The following PPP2R2C variants were observed in gnomAD, a reference collection of about 807,000 sequenced individuals.
PPP2R2C encodes protein phosphatase 2, regulatory subunit B, gamma.
PPP2R2C carries 10 observed loss-of-function variants against 45.3 expected under a neutral mutation model. That is an observed-to-expected ratio of 0.22 (90% confidence interval 0.14 to 0.37). The LOEUF (loss-of-function observed/expected upper bound fraction) is 0.37, where lower values mean the gene tolerates loss of function less well. Ranked by LOEUF, PPP2R2C falls within the 10% of genes least tolerant of loss-of-function variation. The pLI is 1.00. For synonymous variants in PPP2R2C, 257 were observed against 245.4 expected, an observed-to-expected ratio of 1.05 and a Z score of -0.44; for missense variants, 308 against 619.7, an observed-to-expected ratio of 0.50 and a Z score of 5.34.
intron 1 of PPP2R2C, chr4:6,382,009 GA>G (rs1715835134): frequency 7.1e-7 from 1 of 1,414,702 alleles, no homozygotes; most frequent in African/African-American, 1.5e-5. Flanking sequence ...GCCTGGAAGA[GA>G]AACCCCCACT....
intron 1 of PPP2R2C, among the ~76,000 whole-genome samples, chr4:6,395,071 G>A (rs1270100666): frequency 6.6e-6 from 1 of 152,038 alleles, no homozygotes; most frequent in Non-Finnish European, 1.5e-5. Context: ...CCTCCTCTCT[G>A]GATTTCCTGT....
intron 1 of PPP2R2C, among the ~76,000 whole-genome samples, chr4:6,410,798 T>A: frequency 6.6e-6 from 1 of 152,132 alleles, no homozygotes; most frequent in East Asian, 1.9e-4. Context: ...TCTCACTAGA[T>A]CTTCACAACA....
At chr4:6,423,073 C>T (rs989026061) in intron 1 of PPP2R2C, among the ~76,000 whole-genome samples, 1 of 152,200 alleles carries the variant, frequency 6.6e-6, no homozygotes, top group African/African-American at 2.4e-5. Flanking sequence ...ATGGCTGTGC[C>T]CTACCTGGAA....
At chr4:6,530,328 A>G (rs2108821733) in intron 2 of PPP2R2C, among the ~76,000 whole-genome samples, 1 of 152,164 alleles carries the variant, frequency 6.6e-6, no homozygotes, top group East Asian at 1.9e-4. Context: ...GCCATTTTCC[A>G]TGCACGCGAC....
At chr4:6,541,933 T>C (rs1724813953) in intron 1 of PPP2R2C, among the ~76,000 whole-genome samples, 1 of 152,226 alleles carries the variant, frequency 6.6e-6, no homozygotes, top group South Asian at 2.1e-4. Flanking sequence ...CCTCGCTGCA[T>C]AGGTTCCGTC....
At chr4:6,335,544 C>A (rs1339281816) in intron 6 of PPP2R2C, among the ~76,000 whole-genome samples, 1 of 152,050 alleles carries the variant, frequency 6.6e-6, no homozygotes, top group East Asian at 1.9e-4. Context: ...AGGAAGTCAC[C>A]ATTAGGGAAA....
At chr4:6,460,953 TCCACC>T (rs1037775113) in intron 1 of PPP2R2C, among the ~76,000 whole-genome samples, 1 of 151,934 alleles carries the variant, frequency 6.6e-6, no homozygotes, top group Admixed American at 6.6e-5. Flanking sequence ...CCTCTCCCAC[TCCACC>T]CCACCCCACA....
At chr4:6,443,681 C>T (rs976931820) in intron 1 of PPP2R2C, among the ~76,000 whole-genome samples, 4 of 152,134 alleles carry the variant, frequency 2.6e-5, no homozygotes, top group African/African-American at 7.2e-5. Flanking sequence ...GTTCCTGGTC[C>T]GTATAAACAT....
At chr4:6,495,648 G>C (rs1424127360) in intron 2 of PPP2R2C, among the ~76,000 whole-genome samples, 2 of 152,252 alleles carry the variant, frequency 1.3e-5, no homozygotes, top group African/African-American at 2.4e-5. Context: ...TGGAAATGGA[G>C]ATAGTAGGTC....
At chr4:6,452,969 G>A (rs1720820055) in intron 1 of PPP2R2C, among the ~76,000 whole-genome samples, 1 of 152,236 alleles carries the variant, frequency 6.6e-6, no homozygotes, top group Admixed American at 6.5e-5. Flanking sequence ...ACTGCAGGCA[G>A]CCTGTGGTTG....
chr4:6,492,603 T>A (rs1722731086), intron 2 of PPP2R2C, among the ~76,000 whole-genome samples: 1 of 152,214 alleles, frequency 6.6e-6, no homozygotes, highest in Non-Finnish European at 1.5e-5. Context: ...AGATCAGTTC[T>A]GGAGCCCTCT....
intron 1 of PPP2R2C, among the ~76,000 whole-genome samples, chr4:6,440,314 C>G (rs550511107): frequency 1.2e-4 from 18 of 152,330 alleles, no homozygotes; most frequent in African/African-American, 4.1e-4. Context: ...GAGTTCTAAC[C>G]TTTAGAGTTT....
At position 6,329,250 on chromosome 4, in the gene PPP2R2C, G is replaced by A; in HGVS notation, c.1052+12C>T. 6.2e-7 allele frequency: 1 copy of A among 1,612,248 alleles called. No homozygotes were observed. Among genetic ancestry groups the A allele is most frequent in the Non-Finnish European group, 8.5e-7 (1 of 1,178,486 alleles). On this transcript the variant is annotated intron_variant, in intron 8 of 8. Coordinates refer to ENST00000382599, the MANE Select transcript of PPP2R2C (RefSeq NM_020416.4). The surrounding 1 kb of genome is among the most constrained non-coding windows in gnomAD (Gnocchi z 5.8). The stretch of plus-strand genomic sequence containing the variant: ...ACGGTGAGGTGAGGTGCGGGCTGAG[G>A]TCAGGGCTTACCTGTCGCTCCCGTT...
intron 5 of PPP2R2C, among the ~76,000 whole-genome samples, chr4:6,366,941 T>C (rs1043776410): frequency 5.9e-5 from 9 of 152,228 alleles, no homozygotes; most frequent in African/African-American, 2.2e-4. Context: ...GAGGTTCCGA[T>C]GAGCCAATTT....
intron 7 of PPP2R2C, among the ~76,000 whole-genome samples, chr4:6,333,021 G>A (rs1254487753): frequency 6.6e-6 from 1 of 152,170 alleles, no homozygotes; most frequent in Non-Finnish European, 1.5e-5. Context: ...TATCTGAATG[G>A]ATGATAATAG....
chr4:6,454,147 T>A (rs1246033843), intron 1 of PPP2R2C, among the ~76,000 whole-genome samples: 1 of 152,146 alleles, frequency 6.6e-6, no homozygotes, highest in Non-Finnish European at 1.5e-5. Flanking sequence ...GGGCAGTGGC[T>A]CCAAGGTCAG....
intron 1 of PPP2R2C, among the ~76,000 whole-genome samples, chr4:6,415,530 A>G (rs1302933809): frequency 6.6e-6 from 1 of 152,130 alleles, no homozygotes; most frequent in Admixed American, 6.5e-5. Flanking sequence ...GCCGAGGGGA[A>G]CCTCAGCTGT....
At chr4:6,519,880 G>A (rs1289896016) in intron 2 of PPP2R2C, among the ~76,000 whole-genome samples, 1 of 148,406 alleles carries the variant, frequency 6.7e-6, no homozygotes, top group African/African-American at 2.5e-5. Context: ...AGAGTGGCCT[G>A]AGATGAGGGT....
chr4:6,556,863 C>T (rs528576154), intron 1 of PPP2R2C, among the ~76,000 whole-genome samples: 1 of 152,294 alleles, frequency 6.6e-6, no homozygotes, highest in East Asian at 1.9e-4. Flanking sequence ...CACCCTCCTC[C>T]AAAGGAGGGA....
Sources: allele counts gnomAD v4.1 joint callset (sites outside exome capture counted in the v4.1 genomes callset), GRCh38; gene constraint gnomAD v4.1.1; non-coding constraint Gnocchi (gnomAD v3.1); transcripts MANE v1.5; gene names NCBI Gene and HGNC (gene_info 2026-07-23, HGNC 2026-07-21).